ATOSA: variants seen among roughly 807,000 people sequenced by gnomAD.
ATOSA encodes the protein atos homolog protein A.
the ATOSA span, chr15:52,610,490 GTTAA>G: frequency 8.3e-7 from 1 of 1,211,956 alleles, no homozygotes; most frequent in Non-Finnish European, 1.1e-6. Context: ...TTTTGTTTGC[GTTAA>G]TTACCACTGA....
At chr15:52,692,937 C>T in the ATOSA span, among the ~76,000 whole-genome samples, 2 of 152,012 alleles carry the variant, frequency 1.3e-5, no homozygotes, top group Non-Finnish European at 2.9e-5. Flanking sequence ...AAACATGAGC[C>T]ACCACGCCTG....
the ATOSA span, among the ~76,000 whole-genome samples, chr15:52,614,519 A>G: frequency 5.3e-5 from 8 of 152,068 alleles, no homozygotes; most frequent in Non-Finnish European, 8.8e-5. Flanking sequence ...CTCATTATTC[A>G]GAGATATCTA....
At chr15:52,600,431 C>A in the ATOSA span, among the ~76,000 whole-genome samples, 2 of 152,108 alleles carry the variant, frequency 1.3e-5, no homozygotes, top group East Asian at 1.9e-4. Context: ...GTGTGAGTCA[C>A]CAAGCCAAGG....
At chr15:52,667,873 G>C in the ATOSA span, among the ~76,000 whole-genome samples, 2 of 152,154 alleles carry the variant, frequency 1.3e-5, no homozygotes, top group East Asian at 3.8e-4. Context: ...ACCTTACTCC[G>C]GTTAGAATGG....
the ATOSA span, among the ~76,000 whole-genome samples, chr15:52,709,396 G>A: frequency 6.6e-6 from 1 of 152,112 alleles, no homozygotes; most frequent in Admixed American, 6.6e-5. Flanking sequence ...TTACATAAAT[G>A]TTTCTCATAT....
the ATOSA span, among the ~76,000 whole-genome samples, chr15:52,599,379 T>C: frequency 6.6e-6 from 1 of 152,206 alleles, no homozygotes; most frequent in African/African-American, 2.4e-5. Context: ...TGAAATATCT[T>C]TTCATTTCCA....
the ATOSA span, chr15:52,656,778 G>A: frequency 6.6e-6 from 1 of 152,096 alleles, no homozygotes; most frequent in Non-Finnish European, 1.5e-5. Flanking sequence ...CAGGTATTAA[G>A]AATTCACTTT....
chr15:52,666,199 A>G, the ATOSA span, among the ~76,000 whole-genome samples: 1 of 152,176 alleles, frequency 6.6e-6, no homozygotes, highest in Non-Finnish European at 1.5e-5. Context: ...CTACTATTTC[A>G]TAAGACTTTG....
the ATOSA span, among the ~76,000 whole-genome samples, chr15:52,635,932 G>A: frequency 3.6e-3 from 538 of 151,386 alleles, 1 homozygote; most frequent in African/African-American, 0.013. Context: ...GGGGGCAGGG[G>A]AGGTTGCATT....
the ATOSA span, among the ~76,000 whole-genome samples, chr15:52,672,172 C>CAAAAAAAAAAAAAAAAAAA: frequency 4.6e-4 from 29 of 62,580 alleles, 2 homozygotes; most frequent in African/African-American, 1.8e-3. Context: ...CCCCATTTCT[C>CAAAAAAAAAAAAAAAAAAA]AAAAAAAAAA....
At chr15:52,585,188 C>A in the ATOSA span, 2 of 321,072 alleles carry the variant, frequency 6.2e-6, no homozygotes, top group African/African-American at 2.2e-5. Flanking sequence ...TCTTTAGTCA[C>A]AAATTTCATA....
the ATOSA span, among the ~76,000 whole-genome samples, chr15:52,596,655 G>C: frequency 1.3e-5 from 2 of 152,176 alleles, no homozygotes; most frequent in East Asian, 1.9e-4. Context: ...GGTACTATTG[G>C]AATCAAGTGG....
the ATOSA span, among the ~76,000 whole-genome samples, chr15:52,601,556 T>C: frequency 6.8e-6 from 1 of 147,594 alleles, no homozygotes; most frequent in Non-Finnish European, 1.5e-5. Context: ...GAAAACCGAA[T>C]AGAGATAGGA....
the ATOSA span, chr15:52,590,902 C>G: frequency 2.6e-5 from 4 of 152,170 alleles, no homozygotes; most frequent in South Asian, 8.3e-4. Context: ...CAGAGTTTCT[C>G]AAAAGCATAG....
chr15:52,602,993 G>C, the ATOSA span, among the ~76,000 whole-genome samples: 17 of 152,266 alleles, frequency 1.1e-4, no homozygotes, highest in African/African-American at 4.1e-4. Flanking sequence ...ATCTCTGTGT[G>C]GGGGAAGGGG....
At chr15:52,611,671 T>G in the ATOSA span, 1 of 1,614,044 alleles carries the variant, frequency 6.2e-7, no homozygotes. Context: ...GGTGGGCCCA[T>G]CATCGCTGTA....
At chr15:52,642,769 T>A in the ATOSA span, among the ~76,000 whole-genome samples, 1 of 152,180 alleles carries the variant, frequency 6.6e-6, no homozygotes, top group Admixed American at 6.5e-5. Flanking sequence ...GAACGCTGGA[T>A]GCATAAAGGG....
At chr15:52,647,782 A>C in the ATOSA span, among the ~76,000 whole-genome samples, 1 of 152,216 alleles carries the variant, frequency 6.6e-6, no homozygotes, top group African/African-American at 2.4e-5. Flanking sequence ...ACAAGAATCA[A>C]ACTGTATGAA....
the ATOSA span, among the ~76,000 whole-genome samples, chr15:52,603,441 T>C: frequency 1.3e-5 from 2 of 151,868 alleles, no homozygotes; most frequent in African/African-American, 4.8e-5. Context: ...AAACTAAAAA[T>C]AGAACTACTA....
Sources: gnomAD v4.1 joint callset for allele counts (sites outside exome capture counted in the v4.1 genomes callset) on GRCh38, gnomAD v4.1.1 for gene constraint, MANE v1.5 for transcripts, NCBI Gene and HGNC (gene_info 2026-07-23, HGNC 2026-07-21) for gene names.